Variants in LRRN2 observed in about 807,000 individuals in gnomAD.
The protein encoded by LRRN2 is leucine-rich repeat neuronal protein 2.
LRRN2 carries 10 observed loss-of-function variants against 35.7 expected under a neutral mutation model. The ratio of observed to expected loss-of-function variants is 0.28; its 90% confidence interval spans 0.17 to 0.47. The LOEUF (loss-of-function observed/expected upper bound fraction) is 0.47, where lower values mean the gene tolerates loss of function less well. Among genes scored for constraint, LRRN2 ranks in the 20% least tolerant of loss-of-function variants. LRRN2 has a pLI of 0.99. For missense variants in LRRN2, 731 were observed against 940.3 expected (o/e 0.78, Z 2.91); for synonymous variants, 391 against 409.6 (o/e 0.95, Z 0.55).
chr1:204,635,570 CA>C, intron 1 of LRRN2, among the ~76,000 whole-genome samples: 1 of 152,274 alleles, frequency 6.6e-6, no homozygotes, highest in South Asian at 2.1e-4. Context: ...ATGCAGGCAG[CA>C]AATAAAATCT....
chr1:204,662,785 A>G (rs938125998), intron 1 of LRRN2, among the ~76,000 whole-genome samples: 4 of 152,204 alleles, frequency 2.6e-5, no homozygotes, highest in African/African-American at 9.7e-5. Flanking sequence ...TCTTATCTGG[A>G]CACTTGAAAA....
Position 204,618,822 on chromosome 1 carries a change from C to T in LRRN2, c.1171G>A (p.Glu391Lys), listed in dbSNP as rs750683639. ...NATGTRVRFI[E>K]PQSTLCAEPP... ...TCCGCACACAGGGTGGATTGCGGCT[C>T]GATGAAGCGGACACGGGTGCCCGTG... The change falls in exon 2 of 2, where the codon GAG becomes AAG. Residue 391 changes from glutamate to lysine, a missense_variant. By Grantham distance (56) the Glu-to-Lys change is moderately conservative. Coordinates refer to ENST00000367177, the MANE Select transcript of LRRN2 (RefSeq NM_201630.2). 10 of 1,614,042 alleles carry T rather than the reference C, an allele frequency of 6.2e-6. No homozygotes were observed. Among genetic ancestry groups the T allele is most frequent in the Admixed American group, 3.3e-5 (2 of 60,032 alleles).
intron 1 of LRRN2, among the ~76,000 whole-genome samples, chr1:204,644,646 C>T (rs998225945): frequency 3.9e-5 from 6 of 152,334 alleles, no homozygotes; most frequent in African/African-American, 1.4e-4. Flanking sequence ...ACAACACCTA[C>T]CCTAGTTTAG....
intron 1 of LRRN2, among the ~76,000 whole-genome samples, chr1:204,659,262 G>A (rs957688906): frequency 4.6e-5 from 7 of 152,204 alleles, no homozygotes; most frequent in Non-Finnish European, 8.8e-5. Context: ...ATGGAAACTA[G>A]TTCCCTGGTA....
At chr1:204,639,857 T>G (rs1667940668) in intron 1 of LRRN2, among the ~76,000 whole-genome samples, 1 of 152,162 alleles carries the variant, frequency 6.6e-6, no homozygotes, top group Non-Finnish European at 1.5e-5. Flanking sequence ...CTGCCCAAGA[T>G]CATACAGCTG....
At chr1:204,656,302 A>G (rs1416110100) in intron 1 of LRRN2, among the ~76,000 whole-genome samples, 1 of 152,256 alleles carries the variant, frequency 6.6e-6, no homozygotes. Flanking sequence ...TGGTAGGTAC[A>G]GTATGACATT....
In LRRN2 at chr1:204,617,659, G is replaced by A; in HGVS notation, c.*192C>T. 3.1e-6 allele frequency: 2 copies of A among 639,228 alleles called. No homozygotes were observed. The highest frequency in any genetic ancestry group is 1.9e-5 in the South Asian group (1 of 53,076). The allele number at this position is 639,228 out of a possible 1,614,324, so 39.6% of individuals were successfully genotyped here. The stretch of plus-strand genomic sequence containing the variant: ...AATGGCAGCAGAGGTGACCCTAGGA[G>A]GTAAGGGCAACTTTTTCGAGGCTGC... On this transcript the variant is annotated 3_prime_UTR_variant, in exon 2 of 2. Coordinates refer to ENST00000367177, the MANE Select transcript of LRRN2 (RefSeq NM_201630.2).
chr1:204,646,898 A>G (rs775797357), intron 1 of LRRN2, among the ~76,000 whole-genome samples: 29 of 152,214 alleles, frequency 1.9e-4, no homozygotes, highest in Non-Finnish European at 3.7e-4. Flanking sequence ...CCACTTGCTC[A>G]AGGACACTTG....
chr1:204,660,600 C>G (rs1224485928), intron 1 of LRRN2, among the ~76,000 whole-genome samples: 1 of 151,910 alleles, frequency 6.6e-6, no homozygotes, highest in Admixed American at 6.6e-5. Flanking sequence ...CTCTCTCTCT[C>G]TCACTTCGTC....
chr1:204,677,905 C>T (rs1571687264), intron 1 of LRRN2, among the ~76,000 whole-genome samples: 1 of 152,138 alleles, frequency 6.6e-6, no homozygotes, highest in Non-Finnish European at 1.5e-5. Context: ...AGACAGAAGA[C>T]CCTGCCCTTG....
rs568211608 is a variant in LRRN2 at position 204,666,686 on chromosome 1, C to T, written c.-227+18634G>A. 3.3e-5 allele frequency among the ~76,000 whole-genome samples: 5 copies of T among 152,204 alleles called. No homozygotes were observed. The South Asian group carries it at 8.3e-4, about 25-fold the overall frequency. ...GCTGAATACAAAAAAAGCCACTGGG[C>T]GCGGTGGCTCATGCCTGTAATCCCA... On this transcript the variant is annotated intron_variant, in intron 1 of 1. Transcript: ENST00000367177.
At chr1:204,680,445 G>A (rs556486709) in intron 1 of LRRN2, among the ~76,000 whole-genome samples, 9 of 152,274 alleles carry the variant, frequency 5.9e-5, no homozygotes, top group African/African-American at 1.2e-4. Flanking sequence ...AGAAAAAAAC[G>A]AATTCCAAAC....
chr1:204,680,248 A>G (rs1242701364), intron 1 of LRRN2, among the ~76,000 whole-genome samples: 1 of 152,240 alleles, frequency 6.6e-6, no homozygotes, highest in Non-Finnish European at 1.5e-5. Flanking sequence ...CAGTTGGCAC[A>G]GTGCCTGGCA....
rs781709899 is a variant in LRRN2 at position 204,619,849 on chromosome 1, G to C, written c.144C>G (p.Arg48=). 2 of 1,613,728 alleles carry C rather than the reference G, an allele frequency of 1.2e-6. No homozygotes were observed. The highest frequency in any genetic ancestry group is 1.7e-6 in the Non-Finnish European group (2 of 1,179,820). ...RPWYTPRSSY[R]EATTVDCNDL... is the part of the protein sequence containing the mutation. ...CATTGCAGTCCACAGTGGTAGCCTC[G>C]CGGTAGGACGAGCGGGGCGTATACC... Residue 48 remains arginine (R), a synonymous_variant, in exon 2 of 2, where the codon CGC becomes CGG. Transcript: ENST00000367177.
intron 1 of LRRN2, among the ~76,000 whole-genome samples, chr1:204,662,126 A>G (rs1387845796): frequency 1.3e-5 from 2 of 152,244 alleles, no homozygotes. Context: ...AACAGGAAGA[A>G]GGAACCCAAG....
intron 1 of LRRN2, among the ~76,000 whole-genome samples, chr1:204,625,169 C>A (rs1468504528): frequency 1.3e-5 from 2 of 152,204 alleles, no homozygotes; most frequent in Non-Finnish European, 2.9e-5. Context: ...CCTGGCTCTG[C>A]TGTTTGCTGT....
rs58273520 is a variant in LRRN2, at chr1:204,637,755, G to A, written c.-226-17537C>T. 2.4e-3 allele frequency among the ~76,000 whole-genome samples: 360 copies of A among 151,678 alleles called. 2 individuals are homozygous for A. The highest frequency in any genetic ancestry group is 8.5e-3 in the African/African-American group (350 of 41,308). The stretch of plus-strand genomic sequence containing the variant: ...CCTCTGCGGGAAGGCCCCGACCCCC[G>A]GGCCTCATCTGTATGCTCCTCCACA... On this transcript the variant is annotated intron_variant, in intron 1 of 1. Transcript: ENST00000367177.
chr1:204,621,263 C>T (rs1221994120), intron 1 of LRRN2: 4 of 167,420 alleles, frequency 2.4e-5, no homozygotes, highest in African/African-American at 9.6e-5. Flanking sequence ...CTTCTCTTGT[C>T]ACCACCCCAC....
intron 1 of LRRN2, among the ~76,000 whole-genome samples, chr1:204,680,837 C>T (rs1262821633): frequency 6.6e-6 from 1 of 152,244 alleles, no homozygotes; most frequent in Non-Finnish European, 1.5e-5. Context: ...CCCAAATACC[C>T]TCATCACCTG....
Sources: allele counts gnomAD v4.1 joint callset (sites outside exome capture counted in the v4.1 genomes callset), GRCh38; gene constraint gnomAD v4.1.1; transcripts MANE v1.5; gene names NCBI Gene and HGNC (gene_info 2026-07-23, HGNC 2026-07-21).